Variants in HMCES observed in about 807,000 individuals in gnomAD.
HMCES encodes abasic site processing protein HMCES.
A neutral mutation model predicts 35.1 loss-of-function variants in HMCES; 27 were observed. The ratio of observed to expected loss-of-function variants is 0.77; its 90% CI spans 0.57 to 1.06. The LOEUF (loss-of-function observed/expected upper bound fraction) is 1.06. Among genes scored for constraint, HMCES ranks in the 50% least tolerant of loss-of-function variants. HMCES has a pLI of 0.00. For synonymous variants in HMCES, 130 were observed against 154.7 expected (o/e 0.84, Z 1.18); for missense variants, 391 against 430.4 (o/e 0.91, Z 0.81).
chr3:129,291,635 C>T (rs1250851478), intron 4 of HMCES, among the ~76,000 whole-genome samples: 1 of 152,220 alleles, frequency 6.6e-6, no homozygotes, highest in African/African-American at 2.4e-5. Flanking sequence ...ATTGTTTCCA[C>T]TTCTTGGTTA....
intron 2 of HMCES, among the ~76,000 whole-genome samples, chr3:129,287,761 C>G (rs766689172): frequency 6.6e-5 from 10 of 152,112 alleles, no homozygotes; most frequent in Non-Finnish European, 1.2e-4. Context: ...TCACTTGAGC[C>G]TAAGAGTTCG....
intron 3 of HMCES, among the ~76,000 whole-genome samples, chr3:129,290,190 CAAAA>C (rs747358663): frequency 1.6e-5 from 1 of 60,992 alleles, no homozygotes; most frequent in Non-Finnish European, 3.7e-5. Flanking sequence ...GACTCCGTCT[CAAAA>C]AAAAAAAAAA....
intron 4 of HMCES, among the ~76,000 whole-genome samples, chr3:129,293,065 G>C (rs1368306978): frequency 2.0e-5 from 3 of 152,170 alleles, no homozygotes; most frequent in African/African-American, 7.2e-5. Flanking sequence ...AGCTTGTTTT[G>C]CATATACTCT....
intron 4 of HMCES, among the ~76,000 whole-genome samples, 194 bp from the exon 5 acceptor site, chr3:129,298,160 G>A (rs1439540742): frequency 6.6e-6 from 1 of 152,224 alleles, no homozygotes; most frequent in Non-Finnish European, 1.5e-5. Context: ...AAAGTATTAA[G>A]GAGCCATGAA....
At chr3:129,299,102 C>T (rs751036247) in intron 5 of HMCES, among the ~76,000 whole-genome samples, 1 of 152,166 alleles carries the variant, frequency 6.6e-6, no homozygotes. Context: ...GAGCCAAGAT[C>T]GTGCCACTGC....
intron 4 of HMCES, among the ~76,000 whole-genome samples, chr3:129,295,340 C>T (rs1044995345): frequency 4.0e-5 from 6 of 150,886 alleles, no homozygotes; most frequent in African/African-American, 7.3e-5. Context: ...GGGAGTCTGA[C>T]GTGGGAAGAT....
chr3:129,286,770 C>G (rs1239683730), intron 2 of HMCES, among the ~76,000 whole-genome samples: 5 of 151,992 alleles, frequency 3.3e-5, no homozygotes, highest in Admixed American at 1.3e-4. Flanking sequence ...ACTGCCATCA[C>G]CAGACCCCTG....
chr3:129,297,997 A>G (rs1036278585), intron 4 of HMCES, among the ~76,000 whole-genome samples: 2 of 152,240 alleles, frequency 1.3e-5, no homozygotes, highest in African/African-American at 2.4e-5. Flanking sequence ...GGGCAGAGGA[A>G]GGTTGCTTCA....
Position 129,298,341 on chromosome 3 carries a change from A to G in HMCES, c.454-13A>G, listed in dbSNP as rs1432927507. ...CTGAGTGCATCTAATCTGCCCATAT[A>G]TTTTGCTTCCAGTCAGGTAGCATTG... On this transcript the variant is annotated splice_polypyrimidine_tract_variant and intron_variant, in intron 4 of 6. Transcript: ENST00000383463. 2 of 1,613,672 alleles carry G rather than the reference A, an allele frequency of 1.2e-6. No individual in the cohort carries two copies. Among genetic ancestry groups the G allele is most frequent in the Non-Finnish European group, 1.7e-6 (2 of 1,179,654 alleles).
At chr3:129,304,534 G>A in intron 6 of HMCES, 55 bp from the exon 7 acceptor site, 1 of 1,471,884 alleles carries the variant, frequency 6.8e-7, no homozygotes, top group Non-Finnish European at 9.5e-7. Context: ...CTTGGACTTG[G>A]CCTTTTCCCA....
Position 129,279,795 on chromosome 3 carries a change from G to C in HMCES, c.63G>C (p.Gln21His), listed in dbSNP as rs150741175. The C allele has an allele frequency of 1.1e-5, 18 of 1,612,866 alleles. No homozygotes were observed. The highest frequency in any genetic ancestry group is 8.0e-5 in the African/African-American group (6 of 74,890). The change falls in exon 2 of 7, where the codon CAG (glutamine) becomes CAC (histidine). Residue 21 changes from glutamine to histidine, a missense_variant. Coordinates refer to ENST00000383463, the MANE Select transcript of HMCES (RefSeq NM_020187.3). The surrounding 1 kb of genome is among the most constrained non-coding windows in gnomAD (Gnocchi z 4.2). ...TTCTCACGAGAGCTTGCGCCTACCA[G>C]GATCGGCGGGGCCAGCAGCGGCTCC... is the stretch of plus-strand genomic sequence containing the variant. Reference protein sequence around the residue: ...RDVLTRACAYQDRRGQQRLPE... With the variant: ...RDVLTRACAYHDRRGQQRLPE...
chr3:129,295,876 T>G (rs1286705907), intron 4 of HMCES, among the ~76,000 whole-genome samples: 1 of 152,182 alleles, frequency 6.6e-6, no homozygotes, highest in African/African-American at 2.4e-5. Flanking sequence ...GTTTGATATC[T>G]TTCATAATTT....
chr3:129,279,504 T>G lies in HMCES; in HGVS notation c.-23-206T>G, dbSNP rs1288623013. ...GAGCTCCTCTCGGGACTTGCCTCAGTGCCCTGCACGGAGCTGGGCAGTGGG... is the reference window on the plus strand; with the variant it reads ...GAGCTCCTCTCGGGACTTGCCTCAGGGCCCTGCACGGAGCTGGGCAGTGGG... On this transcript the variant is annotated intron_variant, in intron 1 of 6. Transcript: ENST00000383463. The surrounding 1 kb of genome is among the most constrained non-coding windows in gnomAD (Gnocchi z 4.2). Among the ~76,000 whole-genome samples the G allele has an allele frequency of 6.6e-6, 1 of 152,158 alleles. No homozygotes were observed.
At chr3:129,293,787 C>CT (rs1333330318) in intron 4 of HMCES, among the ~76,000 whole-genome samples, 41 of 152,014 alleles carry the variant, frequency 2.7e-4, no homozygotes, top group Admixed American at 2.6e-3. Flanking sequence ...AGGCTGGTCT[C>CT]TAACTCCTGA....
rs1175482844 is a variant in HMCES at position 129,305,631 on chromosome 3, A to G, written c.*806A>G. ...TCGAACATCCCTAAGGGAGGCATTC[A>G]CAAAAGCTGTCCCAAGCAGCTGGAA... is the stretch of plus-strand genomic sequence containing the variant. On this transcript the variant is annotated 3_prime_UTR_variant, in exon 7 of 7. Coordinates refer to ENST00000383463, the MANE Select transcript of HMCES (RefSeq NM_020187.3). 6.6e-6 allele frequency: 1 copy of G among 152,192 alleles called. No homozygotes were observed. The highest frequency in any genetic ancestry group is 1.9e-4 in the East Asian group (1 of 5,196). 9.4% of individuals were successfully genotyped at this position (152,192 alleles called of 1,614,324 possible).
chr3:129,287,067 A>G (rs1263956717), intron 2 of HMCES, among the ~76,000 whole-genome samples: 1 of 152,200 alleles, frequency 6.6e-6, no homozygotes, highest in East Asian at 1.9e-4. Context: ...GGAAAAAGAC[A>G]CTAGTAGAAA....
intron 2 of HMCES, among the ~76,000 whole-genome samples, chr3:129,284,595 T>G (rs1042563268): frequency 2.0e-5 from 3 of 152,050 alleles, no homozygotes; most frequent in Non-Finnish European, 4.4e-5. Context: ...AATCAACTGT[T>G]TGTGTGTATA....
At chr3:129,302,857 GA>G (rs747413556) in intron 6 of HMCES, among the ~76,000 whole-genome samples, 195 of 138,798 alleles carry the variant, frequency 1.4e-3, no homozygotes, top group Admixed American at 1.4e-3. Context: ...CCACAAAAAG[GA>G]AAAAAAAAAA....
intron 2 of HMCES, among the ~76,000 whole-genome samples, chr3:129,281,612 A>G (rs1329414903): frequency 6.6e-6 from 1 of 151,626 alleles, no homozygotes; most frequent in East Asian, 1.9e-4. Context: ...AATCGCTTGA[A>G]CCCGGGAGGC....
Sources: allele counts gnomAD v4.1 joint callset (sites outside exome capture counted in the v4.1 genomes callset), GRCh38; gene constraint gnomAD v4.1.1; non-coding constraint Gnocchi (gnomAD v3.1); transcripts MANE v1.5; gene names NCBI Gene and HGNC (gene_info 2026-07-23, HGNC 2026-07-21).